Variants in STX8 observed in about 807,000 individuals in gnomAD.
The protein encoded by STX8 is syntaxin-8.
Under a neutral mutation model 37.5 loss-of-function variants are expected in STX8, and 23 were observed. That is an observed-to-expected ratio of 0.61 (90% confidence interval 0.44 to 0.87). The LOEUF is 0.87. Ranked by LOEUF, STX8 falls within the 40% of genes least tolerant of loss-of-function variation. The pLI is 0.00. For synonymous variants in STX8, 115 were observed against 99.1 expected, an observed-to-expected ratio of 1.16 and a Z score of -0.95; for missense variants, 313 against 284.7, an observed-to-expected ratio of 1.10 and a Z score of -0.71.
intron 7 of STX8, among the ~76,000 whole-genome samples, chr17:9,265,348 C>A (rs1447102320): frequency 6.6e-6 from 1 of 152,228 alleles, no homozygotes; most frequent in Non-Finnish European, 1.5e-5. Context: ...CAAGAACACT[C>A]TGGATGGGGC....
Position 9,378,571 on chromosome 17 carries a change from G to A in STX8, c.624C>T (p.Asp208=), listed in dbSNP as rs1368981650. The change falls in exon 7 of 8, where the codon GAC becomes GAT. Residue 208 remains aspartate, a synonymous_variant. Transcript: ENST00000306357. ...RNETRRVNMV[D]RKSASCGMIM... is the part of the protein sequence containing the mutation. The stretch of plus-strand genomic sequence containing the variant: ...TCTTACCACAAGAGGCTGACTTTCT[G>A]TCCACCATGTTTACCCGCCTGGTTT... The A allele has an allele frequency of 6.2e-7, 1 of 1,613,626 alleles. No homozygotes were observed. The highest frequency in any genetic ancestry group is 1.1e-5 in the South Asian group (1 of 91,064).
intron 4 of STX8, among the ~76,000 whole-genome samples, chr17:9,540,469 C>A (rs1906235582): frequency 6.6e-6 from 1 of 152,198 alleles, no homozygotes; most frequent in Non-Finnish European, 1.5e-5. Flanking sequence ...GGGTCTAAAG[C>A]AATCCTAGCC....
chr17:9,405,153 A>G (rs56276894), intron 6 of STX8, among the ~76,000 whole-genome samples: 32,426 of 152,118 alleles, frequency 0.21, 4,072 homozygotes, highest in South Asian at 0.39. Flanking sequence ...AGCATCTTCA[A>G]TGGTGTCATT....
At chr17:9,479,587 T>C (rs1906232441) in intron 6 of STX8, among the ~76,000 whole-genome samples, 1 of 148,488 alleles carries the variant, frequency 6.7e-6, no homozygotes, top group Non-Finnish European at 1.5e-5. Flanking sequence ...TATATTCATG[T>C]ATTTTAAATT....
chr17:9,312,137 G>A (rs562136819), intron 7 of STX8, among the ~76,000 whole-genome samples: 4 of 151,744 alleles, frequency 2.6e-5, no homozygotes, highest in South Asian at 2.1e-4. Flanking sequence ...GAGCCACTGC[G>A]CCCAGCTTCG....
chr17:9,329,669 A>G (rs1266193575), intron 7 of STX8, among the ~76,000 whole-genome samples: 1 of 152,222 alleles, frequency 6.6e-6, no homozygotes, highest in East Asian at 1.9e-4. Context: ...GTCCCATCGG[A>G]CCACTCAGGC....
intron 6 of STX8, among the ~76,000 whole-genome samples, chr17:9,460,340 A>T (rs969510933): frequency 1.3e-5 from 2 of 152,178 alleles, no homozygotes; most frequent in African/African-American, 2.4e-5. Flanking sequence ...GAGGTAGATA[A>T]GCACAGTCAT....
chr17:9,505,488 C>G (rs1904788828), intron 4 of STX8, among the ~76,000 whole-genome samples: 1 of 152,152 alleles, frequency 6.6e-6, no homozygotes, highest in Non-Finnish European at 1.5e-5. Flanking sequence ...ATTTCAAAAA[C>G]AGAAGGCCGA....
chr17:9,314,786 G>C lies in STX8; in HGVS notation c.643+63766C>G, dbSNP rs183943846. ...GACTGAATGGATTCCCCTTGGCCAA[G>C]GGTAGCCCAGAGAAGCCTTAAAAAA... On this transcript the variant is annotated intron_variant, in intron 7 of 7. Transcript: ENST00000306357. Among the ~76,000 whole-genome samples, 188 of 151,560 alleles carry C rather than the reference G, an allele frequency of 1.2e-3. 3 individuals carry two copies. Among genetic ancestry groups the C allele is most frequent in the African/African-American group, 3.7e-3 (155 of 41,350 alleles).
At position 9,280,579 on chromosome 17, in the gene STX8, T is replaced by C. The variant is rs77574004; in HGVS notation, c.644-29934A>G. On this transcript the variant is annotated intron_variant, in intron 7 of 7. Coordinates refer to ENST00000306357, the MANE Select transcript of STX8 (RefSeq NM_004853.3). ...AAAAAAGAAACAAAATTTTAAAAACTAATGAACAGAGAACAAAGGAATGAA... is the reference window on the plus strand; with the variant it reads ...AAAAAAGAAACAAAATTTTAAAAACCAATGAACAGAGAACAAAGGAATGAA... 7.2e-3 allele frequency among the ~76,000 whole-genome samples: 1,099 copies of C among 152,076 alleles called. 12 individuals carry two copies. The highest frequency in any genetic ancestry group is 0.025 in the African/African-American group (1,025 of 41,486).
At chr17:9,539,877 G>A (rs985832296) in intron 4 of STX8, among the ~76,000 whole-genome samples, 4 of 152,134 alleles carry the variant, frequency 2.6e-5, no homozygotes, top group East Asian at 1.9e-4. Flanking sequence ...AGAGCTGAGC[G>A]TTCCCTAAGA....
intron 6 of STX8, among the ~76,000 whole-genome samples, chr17:9,442,816 G>A (rs1904715796): frequency 6.6e-6 from 1 of 152,194 alleles, no homozygotes; most frequent in South Asian, 2.1e-4. Context: ...AGGTGGTATA[G>A]ATGAGTAGCA....
chr17:9,315,716 T>A (rs1909362117), intron 7 of STX8, among the ~76,000 whole-genome samples: 1 of 152,066 alleles, frequency 6.6e-6, no homozygotes, highest in Non-Finnish European at 1.5e-5. Context: ...ATGGCCGGCC[T>A]ACAAAAATAA....
chr17:9,457,611 G>A (rs1905218325), intron 6 of STX8, among the ~76,000 whole-genome samples: 1 of 152,232 alleles, frequency 6.6e-6, no homozygotes, highest in South Asian at 2.1e-4. Context: ...TATCTCTAGT[G>A]GGGGCTATAA....
At chr17:9,324,962 C>A (rs1909706882) in intron 7 of STX8, among the ~76,000 whole-genome samples, 1 of 152,020 alleles carries the variant, frequency 6.6e-6, no homozygotes, top group Admixed American at 6.6e-5. Context: ...TGTTATTTTC[C>A]TGGGCTAGTG....
At chr17:9,562,611 AAAAT>A (rs1434604681) in intron 2 of STX8, among the ~76,000 whole-genome samples, 474 of 21,326 alleles carry the variant, frequency 0.022, 2 homozygotes, top group African/African-American at 0.04. Context: ...GAAAAAAAAA[AAAAT>A]ATATATATAT....
chr17:9,433,981 G>C (rs1597669809), intron 6 of STX8, among the ~76,000 whole-genome samples: 2 of 148,550 alleles, frequency 1.3e-5, no homozygotes, highest in Non-Finnish European at 3.0e-5. Context: ...TGCTGCCTAG[G>C]GGGTAAAACG....
intron 7 of STX8, among the ~76,000 whole-genome samples, chr17:9,277,366 G>C (rs1377190860): frequency 1.7e-4 from 25 of 150,386 alleles, no homozygotes; most frequent in Admixed American, 1.7e-3. Context: ...GTGAAGGTTA[G>C]TGAGGGCAGG....
chr17:9,541,186 C>G (rs1032366911), intron 4 of STX8, among the ~76,000 whole-genome samples: 1 of 152,204 alleles, frequency 6.6e-6, no homozygotes, highest in Non-Finnish European at 1.5e-5. Flanking sequence ...GAAGACAAGA[C>G]ATTGGCAGCC....
Sources: gnomAD v4.1 joint callset for allele counts (sites outside exome capture counted in the v4.1 genomes callset) on GRCh38, gnomAD v4.1.1 for gene constraint, MANE v1.5 for transcripts, NCBI Gene and HGNC (gene_info 2026-07-23, HGNC 2026-07-21) for gene names.